Variants in GLIS3 observed in about 807,000 individuals in gnomAD.
The protein encoded by GLIS3 is zinc finger protein GLIS3.
A neutral mutation model predicts 78.6 loss-of-function variants in GLIS3; 53 were observed. That is an observed-to-expected ratio of 0.67 (90% CI 0.54 to 0.85). The LOEUF is 0.85. Ranked by LOEUF, GLIS3 falls within the 40% of genes least tolerant of loss-of-function variation. The pLI is 0.00. For missense variants in GLIS3, 1,703 were observed against 1,231.1 expected (o/e 1.38, Z -5.74); for synonymous variants, 684 against 509.9 (o/e 1.34, Z -4.60).
intron 7 of GLIS3, among the ~76,000 whole-genome samples, chr9:3,887,934 C>G (rs1007479110): frequency 1.3e-5 from 2 of 152,144 alleles, no homozygotes; most frequent in African/African-American, 4.8e-5. Flanking sequence ...CACAGCTAAC[C>G]TCAAATCTCC....
chr9:3,910,804 T>C (rs1824086550), intron 6 of GLIS3, among the ~76,000 whole-genome samples: 1 of 152,212 alleles, frequency 6.6e-6, no homozygotes, highest in Non-Finnish European at 1.5e-5. Flanking sequence ...GAGAACTAAA[T>C]CAGATAAGAC....
intron 4 of GLIS3, among the ~76,000 whole-genome samples, chr9:4,019,972 G>C (rs889439896): frequency 6.6e-6 from 1 of 152,142 alleles, no homozygotes; most frequent in Non-Finnish European, 1.5e-5. Flanking sequence ...TACACAGGCT[G>C]GTCCTGAACT....
Position 3,863,863 on chromosome 9 carries a change from C to T in GLIS3, c.2298-7679G>A, listed in dbSNP as rs1412191359. On this transcript the variant is annotated intron_variant, in intron 8 of 10. Coordinates refer to ENST00000381971, the MANE Select transcript of GLIS3 (RefSeq NM_001042413.2). The stretch of plus-strand genomic sequence containing the variant: ...TTCTTCGAAATGCTGAAATAGGACC[C>T]ACAGCATTGCAGTGTTTCTCCCCTG... 2.0e-5 allele frequency among the ~76,000 whole-genome samples: 3 copies of T among 151,998 alleles called. No individual in the cohort carries two copies. The East Asian group carries it at 5.8e-4, about 29-fold the overall frequency.
At chr9:4,440,378 T>C in the GLIS3 span, among the ~76,000 whole-genome samples, 6 of 152,218 alleles carry the variant, frequency 3.9e-5, no homozygotes, top group African/African-American at 1.4e-4. Flanking sequence ...TATAAGGGTC[T>C]AGTTCCCTTC....
chr9:4,056,056 C>G (rs1388634852), intron 4 of GLIS3, among the ~76,000 whole-genome samples: 2 of 152,188 alleles, frequency 1.3e-5, no homozygotes, highest in Admixed American at 6.5e-5. Context: ...TTTAGTTCCA[C>G]ACATCAGCTA....
At chr9:3,887,412 C>T (rs546440180) in intron 7 of GLIS3, among the ~76,000 whole-genome samples, 5 of 152,302 alleles carry the variant, frequency 3.3e-5, no homozygotes, top group South Asian at 2.1e-4. Context: ...AGTGAGGGCA[C>T]GGCTCTGTAG....
intron 4 of GLIS3, among the ~76,000 whole-genome samples, chr9:4,080,921 G>C (rs1215912591): frequency 6.6e-6 from 1 of 152,182 alleles, no homozygotes; most frequent in East Asian, 1.9e-4. Context: ...CAAGGAAACG[G>C]TGTTTGAGGT....
At chr9:4,099,415 GC>G (rs1313953003) in intron 4 of GLIS3, among the ~76,000 whole-genome samples, 2 of 151,772 alleles carry the variant, frequency 1.3e-5, no homozygotes, top group South Asian at 2.1e-4. Context: ...ACTTGGAGTT[GC>G]CCCCCCGAGC....
chr9:3,858,861 G>A (rs1819970057), intron 8 of GLIS3, among the ~76,000 whole-genome samples: 1 of 152,154 alleles, frequency 6.6e-6, no homozygotes, highest in Non-Finnish European at 1.5e-5. Flanking sequence ...GTATATATAG[G>A]ATTGATTTTC....
intron 2 of GLIS3, among the ~76,000 whole-genome samples, chr9:4,278,035 A>G (rs1827188790): frequency 6.6e-6 from 1 of 152,354 alleles, no homozygotes; most frequent in South Asian, 2.1e-4. Flanking sequence ...TAAGTGATCA[A>G]TTTTTAAACT....
chr9:4,387,903 A>G, the GLIS3 span, among the ~76,000 whole-genome samples: 1 of 152,212 alleles, frequency 6.6e-6, no homozygotes, highest in East Asian at 1.9e-4. Flanking sequence ...TGAGGGATAC[A>G]TTTCTAATCA....
intron 2 of GLIS3, 151 bp from the exon 3 acceptor site, chr9:4,126,092 C>A: frequency 1.5e-6 from 1 of 661,082 alleles, no homozygotes; most frequent in Non-Finnish European, 2.7e-6. Flanking sequence ...AAGGCTTTCT[C>A]CAATTCCAAT....
chr9:4,164,824 C>A (rs1383156656), intron 2 of GLIS3, among the ~76,000 whole-genome samples: 1 of 152,096 alleles, frequency 6.6e-6, no homozygotes, highest in African/African-American at 2.4e-5. Context: ...CACTCCCAAG[C>A]AAAGCAAAGA....
intron 2 of GLIS3, among the ~76,000 whole-genome samples, chr9:4,315,940 G>C (rs1817431171): frequency 6.6e-6 from 1 of 152,138 alleles, no homozygotes; most frequent in Non-Finnish European, 1.5e-5. Flanking sequence ...GAAACACCAA[G>C]TTGTTCACAA....
intron 4 of GLIS3, among the ~76,000 whole-genome samples, chr9:4,084,581 G>C (rs1481277175): frequency 6.6e-6 from 1 of 152,042 alleles, no homozygotes; most frequent in African/African-American, 2.4e-5. Flanking sequence ...GAGGAAGAAG[G>C]GGAAAAAAGG....
At chr9:4,441,058 T>C in the GLIS3 span, among the ~76,000 whole-genome samples, 2 of 152,198 alleles carry the variant, frequency 1.3e-5, no homozygotes, top group African/African-American at 4.8e-5. Flanking sequence ...TTTGGCACAG[T>C]CTTTAGGGTT....
chr9:4,148,186 T>C (rs1345869749), intron 2 of GLIS3, among the ~76,000 whole-genome samples: 2 of 152,278 alleles, frequency 1.3e-5, no homozygotes, highest in East Asian at 1.9e-4. Context: ...TTTCTTATTA[T>C]AGCAAAAATA....
chr9:4,248,495 G>A (rs968978609), intron 2 of GLIS3, among the ~76,000 whole-genome samples: 1 of 152,120 alleles, frequency 6.6e-6, no homozygotes, highest in Non-Finnish European at 1.5e-5. Flanking sequence ...ATCATTGATG[G>A]GCATTTGGGT....
chr9:3,899,130 G>A (rs1253078685), intron 6 of GLIS3, among the ~76,000 whole-genome samples: 3 of 152,044 alleles, frequency 2.0e-5, no homozygotes, highest in Non-Finnish European at 4.4e-5. Flanking sequence ...TATTTGCTCC[G>A]TATCTTATCA....
Sources: gnomAD v4.1 joint callset for allele counts (sites outside exome capture counted in the v4.1 genomes callset) on GRCh38, gnomAD v4.1.1 for gene constraint, MANE v1.5 for transcripts, NCBI Gene and HGNC (gene_info 2026-07-23, HGNC 2026-07-21) for gene names.